Variants in PUS7L observed in about 807,000 individuals in gnomAD.
PUS7L encodes pseudouridylate synthase PUS7L.
PUS7L carries 49 observed loss-of-function variants against 51.1 expected under a neutral mutation model. The observed-to-expected ratio is 0.96, with a 90% CI of 0.76 to 1.22. The LOEUF (loss-of-function observed/expected upper bound fraction) is 1.22, where lower values mean the gene tolerates loss of function less well. PUS7L is among the 50% of genes most tolerant of loss of function. PUS7L has a pLI of 0.00. For synonymous variants in PUS7L, 277 were observed against 276.2 expected (o/e 1.00, Z -0.03); for missense variants, 828 against 820.6 (o/e 1.01, Z -0.11).
intron 4 of PUS7L, 55 bp from the exon 5 acceptor site, chr12:43,742,610 A>G: frequency 6.7e-7 from 1 of 1,489,880 alleles, no homozygotes; most frequent in Non-Finnish European, 9.0e-7. Context: ...ATTATGTGTC[A>G]AAATACACAA....
chr12:43,738,478 A>G, intron 5 of PUS7L, 87 bp from the exon 6 acceptor site: 1 of 724,250 alleles, frequency 1.4e-6, no homozygotes, highest in Non-Finnish European at 2.4e-6. Context: ...TAGCATCCTA[A>G]AAGAATAGGG....
rs186483119 is a variant in PUS7L, at chr12:43,740,147, G to T, written c.1363-1756C>A. Among the ~76,000 whole-genome samples the T allele has an allele frequency of 2.5e-4, 38 of 152,206 alleles. No homozygotes were observed. In the East Asian group the frequency reaches 6.9e-3, roughly 28 times the overall value. On this transcript the variant is annotated intron_variant, in intron 5 of 8. Coordinates refer to ENST00000344862, the MANE Select transcript of PUS7L (RefSeq NM_031292.5). ...TATTTTAAATCCTAAATGATTAAAA[G>T]ATGTTCCTTTTTTAAAAAATAATAT...
intron 8 of PUS7L, among the ~76,000 whole-genome samples, chr12:43,731,414 C>G (rs1373205042): frequency 2.0e-5 from 3 of 151,972 alleles, no homozygotes; most frequent in Admixed American, 1.3e-4. Flanking sequence ...GAAAACCGAT[C>G]AGGGGTTGCC....
In PUS7L at chr12:43,748,464, T is replaced by G. The variant is rs1300479965; in HGVS notation, c.1056A>C (p.Lys352Asn). Residue 352 changes from lysine (K) to asparagine (N), a missense_variant, in exon 3 of 9, where the codon AAA becomes AAC. Transcript: ENST00000344862. ...AITYQAMVVR[K>N]VTPERLKNIE... The stretch of plus-strand genomic sequence containing the variant: ...TATCTTATTACCTCTCTGGAGTCAC[T>G]TTTCTAACAACCATTGCTTGATAGG... 1.3e-6 allele frequency: 2 copies of G among 1,586,690 alleles called. No homozygotes were observed. The highest frequency in any genetic ancestry group is 1.7e-6 in the Non-Finnish European group (2 of 1,173,098).
chr12:43,744,171 T>C (rs531047657), intron 4 of PUS7L, among the ~76,000 whole-genome samples: 2 of 152,302 alleles, frequency 1.3e-5, no homozygotes, highest in Non-Finnish European at 2.9e-5. Flanking sequence ...GTAACAGTTT[T>C]TGAGGAAAAA....
chr12:43,741,406 A>G (rs1372110736), intron 5 of PUS7L, among the ~76,000 whole-genome samples: 1 of 152,212 alleles, frequency 6.6e-6, no homozygotes, highest in Non-Finnish European at 1.5e-5. Context: ...CATTTTACAG[A>G]TAAGGAAACT....
At chr12:43,730,831 A>G (rs1217259264) in intron 8 of PUS7L, 129 bp from the exon 9 acceptor site, 10 of 615,788 alleles carry the variant, frequency 1.6e-5, no homozygotes, top group Non-Finnish European at 2.8e-5. Context: ...CACCACAATC[A>G]GCCTAAAACA....
rs1944417441 is a variant in PUS7L at position 43,723,211 on chromosome 12, T to C, written c.*7165A>G. 1 of 152,150 alleles carries C rather than the reference T, an allele frequency of 6.6e-6. No individual in the cohort carries two copies. 9.4% of individuals were successfully genotyped at this position (152,150 alleles called of 1,614,324 possible). On this transcript the variant is annotated 3_prime_UTR_variant, in exon 9 of 9. Transcript: ENST00000344862. ...CAGGCAGAGTAAATTAACTCCTGCC[T>C]CAAAGTTGCTGAGAAAATGAATTGC...
chr12:43,733,313 C>G (rs1474102146), intron 7 of PUS7L, among the ~76,000 whole-genome samples: 1 of 152,104 alleles, frequency 6.6e-6, no homozygotes, highest in Non-Finnish European at 1.5e-5. Context: ...GCCCCATATA[C>G]CATTTATTAA....
rs191651567 is a variant in PUS7L, at chr12:43,757,081, T to C, written c.-17+1649A>G. On this transcript the variant is annotated intron_variant, in intron 1 of 8. Transcript: ENST00000344862. ...GTGCTAACTGTTCCTGTTGTTTAAA[T>C]TGTTCCCTCCCCAATCATATAGCTG... 4.5e-3 allele frequency among the ~76,000 whole-genome samples: 686 copies of C among 152,360 alleles called. 9 individuals carry two copies. Among genetic ancestry groups the C allele is most frequent in the African/African-American group, 0.015 (637 of 41,594 alleles).
intron 7 of PUS7L, among the ~76,000 whole-genome samples, chr12:43,734,139 C>T (rs1944627277): frequency 6.6e-6 from 1 of 152,170 alleles, no homozygotes. Flanking sequence ...CTGCAGTTCA[C>T]ACTTTCTGGT....
rs1565627090 is a variant in PUS7L at position 43,730,317 on chromosome 12, T to G, written c.*59A>C. ...TAACACATGGAAGGTGCTTAAGACA[T>G]TTTAGCCCCCTTTCCTTCAAAGAGT... On this transcript the variant is annotated 3_prime_UTR_variant, in exon 9 of 9. Coordinates refer to ENST00000344862, the MANE Select transcript of PUS7L (RefSeq NM_031292.5). The G allele has an allele frequency of 7.6e-7, 1 of 1,308,170 alleles. No homozygotes were observed. The highest frequency in any genetic ancestry group is 1.9e-5 in the Admixed American group (1 of 52,332). 81.0% of individuals were successfully genotyped at this position (1,308,170 alleles called of 1,614,324 possible).
At chr12:43,756,562 T>C (rs1027507927) in intron 1 of PUS7L, among the ~76,000 whole-genome samples, 5 of 152,182 alleles carry the variant, frequency 3.3e-5, no homozygotes, top group Non-Finnish European at 5.9e-5. Flanking sequence ...CACTACCTTC[T>C]TATCCAACAT....
At chr12:43,757,445 A>G (rs1565650116) in intron 1 of PUS7L, among the ~76,000 whole-genome samples, 1 of 152,226 alleles carries the variant, frequency 6.6e-6, no homozygotes, top group Non-Finnish European at 1.5e-5. Context: ...TGCTGGGGTT[A>G]CAGGCGTGAG....
intron 2 of PUS7L, among the ~76,000 whole-genome samples, chr12:43,749,194 C>T (rs1938322771): frequency 6.6e-6 from 1 of 152,170 alleles, no homozygotes; most frequent in South Asian, 2.1e-4. Context: ...CACCACTTCC[C>T]TTCACATATC....
chr12:43,733,733 C>T (rs945410758), intron 7 of PUS7L, among the ~76,000 whole-genome samples: 12 of 152,080 alleles, frequency 7.9e-5, no homozygotes, highest in East Asian at 1.9e-4. Context: ...GAAATGATAA[C>T]GATTTTTTAT....
At position 43,754,845 on chromosome 12, in the gene PUS7L, T is replaced by C. The variant is rs200825526; in HGVS notation, c.401A>G (p.His134Arg). The change falls in exon 2 of 9, where the codon CAT (histidine) becomes CGT (arginine). Residue 134 changes from histidine (H) to arginine (R), a missense_variant. By Grantham distance (29) the His-to-Arg change is conservative (BLOSUM62 0). Transcript: ENST00000344862. ...VLSSFLDEKT[H>R]ELLNNFACDV... Reference sequence around the variant, plus strand: ...ACAGGCAAAATTATTCAGTAACTCATGAGTTTTTTCATCCAAAAAGGAGCT... The same window carrying C: ...ACAGGCAAAATTATTCAGTAACTCACGAGTTTTTTCATCCAAAAAGGAGCT... 20 of 1,613,752 alleles carry C rather than the reference T, an allele frequency of 1.2e-5. No individual in the cohort carries two copies. Among genetic ancestry groups the C allele is most frequent in the Non-Finnish European group, 4.2e-6 (5 of 1,179,844 alleles).
At chr12:43,740,141 TTAAAA>T in intron 5 of PUS7L, among the ~76,000 whole-genome samples, 2 of 152,188 alleles carry the variant, frequency 1.3e-5, no homozygotes, top group Non-Finnish European at 2.9e-5. Context: ...TCCTAAATGA[TTAAAA>T]GATGTTCCTT....
intron 1 of PUS7L, 51 bp from the exon 2 acceptor site, chr12:43,755,312 A>C: frequency 1.8e-6 from 2 of 1,120,580 alleles, no homozygotes; most frequent in South Asian, 3.3e-5. Flanking sequence ...GAAGTTATGG[A>C]TGACCAAATA....
Sources: gnomAD v4.1 joint callset for allele counts (sites outside exome capture counted in the v4.1 genomes callset) on GRCh38, gnomAD v4.1.1 for gene constraint, MANE v1.5 for transcripts, NCBI Gene and HGNC (gene_info 2026-07-23, HGNC 2026-07-21) for gene names.